Variants in TENM2 observed in about 807,000 individuals in gnomAD.
The protein encoded by TENM2 is teneurin transmembrane protein 2, also known as teneurin-2.
In TENM2, 52 loss-of-function variants were observed where a neutral mutation model predicts 245.2. The observed-to-expected ratio is 0.21, with a 90% CI of 0.17 to 0.27. The LOEUF is 0.27. TENM2 is among the 10% of genes least tolerant of loss of function. The probability of loss-of-function intolerance (pLI) is 1.00; values close to 1 mark genes in which losing one functional copy is unlikely to be tolerated. For synonymous variants in TENM2, 1,363 were observed against 1,438.9 expected, an observed-to-expected ratio of 0.95 and a Z score of 1.19; for missense variants, 3,046 against 3,666.8, an observed-to-expected ratio of 0.83 and a Z score of 4.37.
intron 2 of TENM2, among the ~76,000 whole-genome samples, chr5:167,720,004 G>T (rs1004000339): frequency 6.6e-6 from 1 of 152,124 alleles, no homozygotes; most frequent in Admixed American, 6.5e-5. Context: ...AGAGGGGGGG[G>T]CTTGGGGAAG....
Position 168,078,650 on chromosome 5 carries a change from C to T in TENM2, c.1516-11924C>T, listed in dbSNP as rs573791547. On this transcript the variant is annotated intron_variant, in intron 7 of 28. Transcript: ENST00000518659. ...TCCAGTTTCAGCTTTCTACTTATGGCTAGCCAGTTTTCCCAGCACCATTTA... is the reference window on the plus strand; with the variant it reads ...TCCAGTTTCAGCTTTCTACTTATGGTTAGCCAGTTTTCCCAGCACCATTTA... Among the ~76,000 whole-genome samples, 23 of 152,274 alleles carry T rather than the reference C, an allele frequency of 1.5e-4. No individual in the cohort carries two copies. In the South Asian group the frequency reaches 4.8e-3, roughly 32 times the overall value.
intron 1 of TENM2, among the ~76,000 whole-genome samples, chr5:167,359,366 C>A (rs1759556099): frequency 6.6e-6 from 1 of 152,144 alleles, no homozygotes; most frequent in Non-Finnish European, 1.5e-5. Flanking sequence ...ATCTTTGCAC[C>A]ATTGGCTTCC....
At chr5:167,809,118 C>T (rs1766445297) in intron 2 of TENM2, among the ~76,000 whole-genome samples, 1 of 152,164 alleles carries the variant, frequency 6.6e-6, no homozygotes, top group Admixed American at 6.6e-5. Flanking sequence ...CACAAAGTTA[C>T]ACAAGACGCT....
At chr5:167,199,098 A>T in the TENM2 span, among the ~76,000 whole-genome samples, 4,249 of 87,276 alleles carry the variant, frequency 0.049, 173 homozygotes, top group African/African-American at 0.2. Context: ...GATATGAAGT[A>T]AAAAAAAAAA....
intron 6 of TENM2, among the ~76,000 whole-genome samples, chr5:168,049,483 G>T (rs1291573980): frequency 6.6e-6 from 1 of 152,100 alleles, no homozygotes; most frequent in Non-Finnish European, 1.5e-5. Context: ...TCATAAATGG[G>T]AATTAGTGAT....
intron 2 of TENM2, among the ~76,000 whole-genome samples, chr5:167,735,576 G>A (rs1760737735): frequency 1.3e-5 from 2 of 152,148 alleles, no homozygotes; most frequent in East Asian, 3.9e-4. Context: ...GGAGGCCAAG[G>A]CAGGAGGATC....
rs1561956786 is a variant in TENM2 at position 167,439,157 on chromosome 5, G to A, written c.502+63684G>A. Among the ~76,000 whole-genome samples the A allele has an allele frequency of 2.0e-5, 3 of 152,168 alleles. No individual in the cohort carries two copies. In the South Asian group the frequency reaches 6.2e-4, roughly 31 times the overall value. ...ATTGAGTTTTTCAAAGGAGGCAGAGGTGATCAGGTTAGTTTTAATGGAGAG... is the reference window on the plus strand; with the variant it reads ...ATTGAGTTTTTCAAAGGAGGCAGAGATGATCAGGTTAGTTTTAATGGAGAG... On this transcript the variant is annotated intron_variant, in intron 2 of 28. Transcript: ENST00000518659.
chr5:166,995,294 C>G, the TENM2 span, among the ~76,000 whole-genome samples: 85 of 151,852 alleles, frequency 5.6e-4, no homozygotes, highest in African/African-American at 1.9e-3. Flanking sequence ...GGCTGGAGTG[C>G]AGTGGCCCAA....
chr5:167,899,825 A>T (rs144470683), intron 3 of TENM2, among the ~76,000 whole-genome samples: 2 of 152,334 alleles, frequency 1.3e-5, no homozygotes, highest in African/African-American at 4.8e-5. Flanking sequence ...CCAAGTGCCC[A>T]TTAGGATGGA....
chr5:167,755,051 C>G, intron 2 of TENM2: 2 of 1,597,092 alleles, frequency 1.3e-6, no homozygotes, highest in Non-Finnish European at 1.7e-6. Context: ...CCAGCTTACG[C>G]CGATGGTGAG....
At chr5:168,220,303 A>G (rs545291107) in intron 23 of TENM2, among the ~76,000 whole-genome samples, 1 of 152,248 alleles carries the variant, frequency 6.6e-6, no homozygotes, top group South Asian at 2.1e-4. Flanking sequence ...AAAGAGGGGG[A>G]AAAAACATCC....
the TENM2 span, among the ~76,000 whole-genome samples, chr5:167,000,848 C>T: frequency 2.6e-5 from 4 of 152,106 alleles, no homozygotes; most frequent in Admixed American, 6.5e-5. Flanking sequence ...TAGTTTAAAA[C>T]GTTTCGTAAT....
chr5:167,394,266 A>C (rs73363503), intron 2 of TENM2, among the ~76,000 whole-genome samples: 4,694 of 152,166 alleles, frequency 0.031, 191 homozygotes, highest in African/African-American at 0.1. Flanking sequence ...CTTACATTTT[A>C]AGTCTGTAAT....
chr5:167,664,237 A>G lies in TENM2; in HGVS notation c.503-211749A>G, dbSNP rs562472973. Among the ~76,000 whole-genome samples the G allele has an allele frequency of 5.9e-5, 9 of 152,290 alleles. No individual in the cohort carries two copies. In the East Asian group the frequency reaches 9.6e-4, roughly 16 times the overall value. On this transcript the variant is annotated intron_variant, in intron 2 of 28. Coordinates refer to ENST00000518659, the Ensembl canonical transcript of TENM2. The stretch of plus-strand genomic sequence containing the variant: ...TTCCTGAAATATGCTGGTTATGTAA[A>G]TTTCAAAGCCCCTTGGCCTGAGGAT...
chr5:167,383,728 TAAAAAAA>T (rs10549785), intron 2 of TENM2, among the ~76,000 whole-genome samples: 6 of 110,416 alleles, frequency 5.4e-5, no homozygotes, highest in East Asian at 3.3e-4. Context: ...TGGTGCAGGA[TAAAAAAA>T]AAAAAAAAAA....
chr5:167,349,198 A>G (rs1758661909), intron 1 of TENM2, among the ~76,000 whole-genome samples: 1 of 152,196 alleles, frequency 6.6e-6, no homozygotes, highest in African/African-American at 2.4e-5. Context: ...TCCGGGCATC[A>G]ACTGGTTCAA....
chr5:167,263,501 C>T, the TENM2 span, among the ~76,000 whole-genome samples: 1 of 152,152 alleles, frequency 6.6e-6, no homozygotes, highest in Non-Finnish European at 1.5e-5. Flanking sequence ...TCTATGAATT[C>T]CATCTACCCA....
intron 1 of TENM2, among the ~76,000 whole-genome samples, chr5:167,368,351 C>T (rs1760191801): frequency 6.6e-6 from 1 of 151,906 alleles, no homozygotes; most frequent in Non-Finnish European, 1.5e-5. Flanking sequence ...CATGTTACAG[C>T]AAAATTGTTT....
intron 2 of TENM2, among the ~76,000 whole-genome samples, chr5:167,565,934 GGTTT>G (rs904933807): frequency 3.3e-5 from 5 of 152,064 alleles, no homozygotes; most frequent in Non-Finnish European, 2.9e-5. Flanking sequence ...CTGGAAAAGT[GGTTT>G]GTTTGTTTGT....
Sources: gnomAD v4.1 joint callset for allele counts (sites outside exome capture counted in the v4.1 genomes callset) on GRCh38, gnomAD v4.1.1 for gene constraint, MANE v1.5 for transcripts, NCBI Gene and HGNC (gene_info 2026-07-23, HGNC 2026-07-21) for gene names.